Variants in CAMK1D observed in about 807,000 individuals in gnomAD.
CAMK1D encodes the protein calcium/calmodulin-dependent protein kinase type 1D.
CAMK1D carries 9 observed loss-of-function variants against 47.7 expected under a neutral mutation model. The ratio of observed to expected loss-of-function variants is 0.19; its 90% confidence interval spans 0.11 to 0.33. The LOEUF is 0.33. CAMK1D is among the 10% of genes least tolerant of loss of function. The pLI is 1.00. For missense variants in CAMK1D, 291 were observed against 488.7 expected (o/e 0.60, Z 3.81); for synonymous variants, 184 against 184.9 (o/e 0.99, Z 0.04).
At chr10:12,351,637 A>C (rs1837358245) in intron 1 of CAMK1D, among the ~76,000 whole-genome samples, 1 of 151,966 alleles carries the variant, frequency 6.6e-6, no homozygotes, top group Non-Finnish European at 1.5e-5. Context: ...GTGCAGCTGC[A>C]CCTCTGCAGT....
intron 1 of CAMK1D, among the ~76,000 whole-genome samples, chr10:12,479,617 C>CT (rs1003470950): frequency 1.3e-5 from 2 of 152,362 alleles, no homozygotes; most frequent in Middle Eastern, 3.4e-3. Flanking sequence ...GACAGGGACT[C>CT]TCACCTGGGC....
At chr10:12,513,811 G>A (rs1186730176) in intron 1 of CAMK1D, among the ~76,000 whole-genome samples, 4 of 152,086 alleles carry the variant, frequency 2.6e-5, no homozygotes, top group Admixed American at 1.3e-4. Flanking sequence ...AAACAAAAGC[G>A]AAATCAAAAA....
At chr10:12,776,709 GA>G (rs66804655) in intron 5 of CAMK1D, among the ~76,000 whole-genome samples, 11,620 of 152,252 alleles carry the variant, frequency 0.076, 567 homozygotes, top group East Asian at 0.14. Context: ...CTAACCCACC[GA>G]TTTTCTCTGA....
At chr10:12,358,077 C>T (rs1040700057) in intron 1 of CAMK1D, among the ~76,000 whole-genome samples, 1 of 152,036 alleles carries the variant, frequency 6.6e-6, no homozygotes, top group Non-Finnish European at 1.5e-5. Context: ...GGAGAGATTC[C>T]AGCCTGGAGT....
At chr10:12,654,980 T>C (rs1840079101) in intron 2 of CAMK1D, among the ~76,000 whole-genome samples, 1 of 152,196 alleles carries the variant, frequency 6.6e-6, no homozygotes, top group Non-Finnish European at 1.5e-5. Context: ...CCAAAAATGT[T>C]CCAGTTATTA....
rs777921875 is a variant in CAMK1D, at chr10:12,828,816, G to A, written c.1087G>A (p.Val363Ile). ...TAGTTTCATTTCTTCTTCGTCGGGG[G>A]TCTCAGGAGTTGGAGCCGAGCGGAG... ...LCSFISSSSG[V>I]SGVGAERRPR... The change falls in exon 11 of 11, where the codon GTC becomes ATC. Residue 363 changes from valine (V) to isoleucine (I), a missense_variant. Coordinates refer to ENST00000619168, the MANE Select transcript of CAMK1D (RefSeq NM_153498.4). The A allele has an allele frequency of 8.1e-6, 13 of 1,613,774 alleles. No homozygotes were observed. Among genetic ancestry groups the A allele is most frequent in the South Asian group, 6.6e-5 (6 of 91,084 alleles).
At chr10:12,478,919 G>A (rs1184578809) in intron 1 of CAMK1D, among the ~76,000 whole-genome samples, 6 of 152,186 alleles carry the variant, frequency 3.9e-5, no homozygotes, top group Non-Finnish European at 5.9e-5. Flanking sequence ...CGTCCTGAGC[G>A]CCTGCAACGT....
intron 1 of CAMK1D, among the ~76,000 whole-genome samples, chr10:12,403,622 G>A (rs940538956): frequency 3.3e-5 from 5 of 152,078 alleles, no homozygotes; most frequent in East Asian, 1.9e-4. Context: ...ATTTATGAAG[G>A]CGTGCACCAT....
At chr10:12,411,085 G>C (rs997869846) in intron 1 of CAMK1D, among the ~76,000 whole-genome samples, 1 of 152,002 alleles carries the variant, frequency 6.6e-6, no homozygotes, top group Non-Finnish European at 1.5e-5. Context: ...ATTAAGCTTC[G>C]AGCCCACCCC....
At chr10:12,373,956 C>CA (rs35008954) in intron 1 of CAMK1D, among the ~76,000 whole-genome samples, 21,301 of 85,936 alleles carry the variant, frequency 0.25, 3,281 homozygotes, top group East Asian at 0.36. Flanking sequence ...CACTCTTTAT[C>CA]AAAAAAAAAA....
chr10:12,688,627 C>T (rs1475491886), intron 3 of CAMK1D, among the ~76,000 whole-genome samples: 2 of 152,150 alleles, frequency 1.3e-5, no homozygotes, highest in Non-Finnish European at 2.9e-5. Context: ...TTCCAAAACG[C>T]TGGCAGCATT....
At chr10:12,539,059 G>A (rs935539454) in intron 1 of CAMK1D, among the ~76,000 whole-genome samples, 1 of 152,088 alleles carries the variant, frequency 6.6e-6, no homozygotes, top group Admixed American at 6.5e-5. Context: ...GAGCCACCAC[G>A]CCTGGCCTCC....
intron 1 of CAMK1D, among the ~76,000 whole-genome samples, chr10:12,392,846 A>G (rs1588436297): frequency 6.6e-6 from 1 of 152,060 alleles, no homozygotes; most frequent in East Asian, 1.9e-4. Flanking sequence ...TTCTAGTGAA[A>G]AAACAACTTC....
chr10:12,431,426 G>A (rs1443627500), intron 1 of CAMK1D, among the ~76,000 whole-genome samples: 3 of 152,204 alleles, frequency 2.0e-5, no homozygotes, highest in Admixed American at 6.5e-5. Flanking sequence ...CAGTGTCTGA[G>A]GAGAGAGACT....
chr10:12,477,563 A>G (rs1448271370), intron 1 of CAMK1D, among the ~76,000 whole-genome samples: 6 of 152,198 alleles, frequency 3.9e-5, no homozygotes. Flanking sequence ...TGCAGACTCC[A>G]GAGCAGGAAG....
Position 12,828,851 on chromosome 10 carries a change from C to T in CAMK1D, c.1122C>T (p.Pro374=). 1 of 1,613,622 alleles carries T rather than the reference C, an allele frequency of 6.2e-7. No homozygotes were observed. Among genetic ancestry groups the T allele is most frequent in the South Asian group, 1.1e-5 (1 of 91,044 alleles). ...SGVGAERRPR[P]TTVTAVHSGS... ...TTGGAGCCGAGCGGAGACCCAGGCC[C>T]ACCACTGTGACGGCAGTGCACTCTG... is the stretch of plus-strand genomic sequence containing the variant. Residue 374 remains proline (P), a synonymous_variant, in exon 11 of 11, where the codon CCC becomes CCT. Transcript: ENST00000619168.
At chr10:12,754,390 A>G (rs1836134824) in intron 3 of CAMK1D, among the ~76,000 whole-genome samples, 1 of 152,214 alleles carries the variant, frequency 6.6e-6, no homozygotes, top group Admixed American at 6.5e-5. Context: ...AAACAGAGAC[A>G]GCCTATTGTC....
At chr10:12,413,693 T>A (rs1447876931) in intron 1 of CAMK1D, among the ~76,000 whole-genome samples, 5 of 53,020 alleles carry the variant, frequency 9.4e-5, no homozygotes, top group African/African-American at 4.0e-4. Flanking sequence ...ATTGAATCTC[T>A]GGATTTGGGA....
At chr10:12,738,187 A>G (rs985754941) in intron 3 of CAMK1D, among the ~76,000 whole-genome samples, 1 of 152,254 alleles carries the variant, frequency 6.6e-6, no homozygotes, top group Non-Finnish European at 1.5e-5. Flanking sequence ...AAAATATTTC[A>G]GAAATTATGA....
Sources: gnomAD v4.1 joint callset for allele counts (sites outside exome capture counted in the v4.1 genomes callset) on GRCh38, gnomAD v4.1.1 for gene constraint, MANE v1.5 for transcripts, NCBI Gene and HGNC (gene_info 2026-07-23, HGNC 2026-07-21) for gene names.